The following FBXL20 variants were observed in gnomAD, a reference collection of about 807,000 sequenced individuals.
FBXL20 encodes the protein F-box/LRR-repeat protein 20.
FBXL20 carries 11 observed loss-of-function variants against 64.0 expected under a neutral mutation model. The ratio of observed to expected loss-of-function variants is 0.17; its 90% CI spans 0.11 to 0.28. The LOEUF is 0.28. Among genes scored for constraint, FBXL20 ranks in the 10% least tolerant of loss-of-function variants. The pLI is 1.00. For missense variants in FBXL20, 303 were observed against 526.2 expected (o/e 0.58, Z 4.15); for synonymous variants, 184 against 189.0 (o/e 0.97, Z 0.22).
chr17:39,390,708 T>C (rs866594403), intron 1 of FBXL20, among the ~76,000 whole-genome samples: 2 of 152,042 alleles, frequency 1.3e-5, no homozygotes, highest in South Asian at 2.1e-4. Context: ...ACCTGGGTGA[T>C]AGATCAAGAC....
chr17:39,372,516 CAAAAAAA>C (rs747264126), intron 1 of FBXL20, among the ~76,000 whole-genome samples: 4,062 of 40,918 alleles, frequency 0.099, 53 homozygotes, highest in Non-Finnish European at 0.16. Context: ...AGACTCTGAC[CAAAAAAA>C]AAAAAAAAAA....
At chr17:39,351,897 CAAT>C (rs1269413942) in intron 1 of FBXL20, among the ~76,000 whole-genome samples, 1 of 152,118 alleles carries the variant, frequency 6.6e-6, no homozygotes, top group African/African-American at 2.4e-5. Flanking sequence ...GGTTTATATA[CAAT>C]AATATACTGT....
At chr17:39,292,636 T>TC (rs1393313491) in intron 6 of FBXL20, among the ~76,000 whole-genome samples, 3 of 122,332 alleles carry the variant, frequency 2.5e-5, no homozygotes, top group Admixed American at 1.6e-4. Context: ...TCTTTTCTTT[T>TC]TTTTGAGAGT....
chr17:39,327,661 A>T (rs1207312077), intron 2 of FBXL20, among the ~76,000 whole-genome samples: 12 of 151,986 alleles, frequency 7.9e-5, no homozygotes, highest in Non-Finnish European at 1.3e-4. Flanking sequence ...AGGAGACTTT[A>T]AAAAAAATAC....
At position 39,257,009 on chromosome 17, in the gene FBXL20, T is replaced by C. The variant is rs979240063; in HGVS notation, c.*4451A>G. The C allele has an allele frequency of 6.6e-6, 1 of 151,962 alleles. No individual in the cohort carries two copies. The highest frequency in any genetic ancestry group is 2.4e-5 in the African/African-American group (1 of 41,358). The allele number at this position is 151,962 out of a possible 1,614,324, so 9.4% of individuals were successfully genotyped here. On this transcript the variant is annotated 3_prime_UTR_variant, in exon 15 of 15. Transcript: ENST00000264658. ...TTTCTTTCTTTCTTTTTTTTTGAGATAGTCTCACTCTGTCGCCCAGGGTGG... is the reference window on the plus strand; with the variant it reads ...TTTCTTTCTTTCTTTTTTTTTGAGACAGTCTCACTCTGTCGCCCAGGGTGG...
At chr17:39,400,421 G>A (rs2048230093) in intron 1 of FBXL20, among the ~76,000 whole-genome samples, 1 of 152,190 alleles carries the variant, frequency 6.6e-6, no homozygotes, top group South Asian at 2.1e-4. Flanking sequence ...CACCGAGTGA[G>A]ATTGTCCACT....
At chr17:39,372,578 A>G (rs1010095727) in intron 1 of FBXL20, among the ~76,000 whole-genome samples, 4 of 149,740 alleles carry the variant, frequency 2.7e-5, no homozygotes, top group Non-Finnish European at 5.9e-5. Flanking sequence ...CTTGAAAATG[A>G]GCCAATGACT....
At chr17:39,396,596 C>CAA (rs35394824) in intron 1 of FBXL20, among the ~76,000 whole-genome samples, 6,924 of 103,090 alleles carry the variant, frequency 0.067, 199 homozygotes, top group Non-Finnish European at 0.1. Flanking sequence ...AACTCCGTCT[C>CAA]AAAAAAAAAA....
At chr17:39,268,750 G>A in intron 12 of FBXL20, 77 bp downstream of exon 12, 2 of 1,253,582 alleles carry the variant, frequency 1.6e-6, no homozygotes, top group South Asian at 1.3e-5. Context: ...CTAGGGTAGG[G>A]AATTGCACAT....
At chr17:39,317,247 CAT>C (rs2047301841) in intron 2 of FBXL20, among the ~76,000 whole-genome samples, 1 of 152,034 alleles carries the variant, frequency 6.6e-6, no homozygotes, top group African/African-American at 2.4e-5. Flanking sequence ...TCTTTCCCCC[CAT>C]GAGACAGAGT....
intron 9 of FBXL20, among the ~76,000 whole-genome samples, chr17:39,275,562 C>A (rs184265566): frequency 6.6e-6 from 1 of 152,058 alleles, no homozygotes; most frequent in Non-Finnish European, 1.5e-5. Flanking sequence ...CAAGTGCACG[C>A]CACCATGTCC....
intron 1 of FBXL20, among the ~76,000 whole-genome samples, chr17:39,379,417 C>T (rs558795882): frequency 2.0e-5 from 3 of 149,106 alleles, no homozygotes; most frequent in South Asian, 2.1e-4. Context: ...GCGAGGGGAT[C>T]GCCTCAGTTC....
intron 2 of FBXL20, among the ~76,000 whole-genome samples, chr17:39,319,113 G>A (rs779912341): frequency 1.7e-4 from 26 of 151,806 alleles, no homozygotes; most frequent in Non-Finnish European, 3.4e-4. Flanking sequence ...GCTGGGCATG[G>A]TGGAGCATGC....
chr17:39,283,788 C>A (rs1338291819), intron 7 of FBXL20, among the ~76,000 whole-genome samples: 1 of 152,084 alleles, frequency 6.6e-6, no homozygotes, highest in Non-Finnish European at 1.5e-5. Flanking sequence ...TCCATCTACT[C>A]TTAATAGTTT....
Position 39,254,834 on chromosome 17 carries a change from G to A in FBXL20, c.*6626C>T. 1 of 154,340 alleles carries A rather than the reference G, an allele frequency of 6.5e-6. No individual in the cohort carries two copies. Among genetic ancestry groups the A allele is most frequent in the Middle Eastern group, 5.8e-4 (1 of 1,730 alleles). 9.6% of individuals were successfully genotyped at this position (154,340 alleles called of 1,614,324 possible). The stretch of plus-strand genomic sequence containing the variant: ...AAAACATAAAACAGAAAGGACTATT[G>A]ATAGGATTTTGCTTGTTCATGGTTC... On this transcript the variant is annotated 3_prime_UTR_variant, in exon 15 of 15. Transcript: ENST00000264658.
intron 2 of FBXL20, among the ~76,000 whole-genome samples, chr17:39,327,459 C>A (rs902202325): frequency 1.3e-5 from 2 of 151,854 alleles, no homozygotes; most frequent in Non-Finnish European, 1.5e-5. Flanking sequence ...ACAGAATGAA[C>A]CCTAAGGTAA....
Position 39,401,311 on chromosome 17 carries a change from G to A in FBXL20, c.42+50C>T, listed in dbSNP as rs1184620896. 4 of 1,611,900 alleles carry A rather than the reference G, an allele frequency of 2.5e-6. No homozygotes were observed. The Admixed American group carries it at 5.0e-5, about 20-fold the overall frequency. On this transcript the variant is annotated intron_variant, in intron 1 of 14. Transcript: ENST00000264658. Reference sequence around the variant, plus strand: ...GTGCGGAGCGGACGTTTTGGGATTAGAGCGCGCGACCCGCCCTCCTCACGC... The same window carrying A: ...GTGCGGAGCGGACGTTTTGGGATTAAAGCGCGCGACCCGCCCTCCTCACGC...
At chr17:39,285,198 C>T (rs914634571) in intron 7 of FBXL20, among the ~76,000 whole-genome samples, 1 of 152,142 alleles carries the variant, frequency 6.6e-6, no homozygotes, top group African/African-American at 2.4e-5. Context: ...GTCTTCATGC[C>T]TGGCCTTATT....
At chr17:39,290,901 A>T (rs2047031795) in intron 6 of FBXL20, among the ~76,000 whole-genome samples, 1 of 151,884 alleles carries the variant, frequency 6.6e-6, no homozygotes, top group African/African-American at 2.4e-5. Context: ...ACAGAGGTTA[A>T]TCAAGCTTAT....
Sources: allele counts gnomAD v4.1 joint callset (sites outside exome capture counted in the v4.1 genomes callset), GRCh38; gene constraint gnomAD v4.1.1; transcripts MANE v1.5; gene names NCBI Gene and HGNC (gene_info 2026-07-23, HGNC 2026-07-21).